The following SMARCC1 variants were observed in gnomAD, a reference collection of about 807,000 sequenced individuals.
SMARCC1 encodes SWI/SNF related BAF chromatin remodeling complex subunit C1.
Under a neutral mutation model 147.4 loss-of-function variants are expected in SMARCC1, and 43 were observed. The observed-to-expected ratio is 0.29, with a 90% CI of 0.23 to 0.38. SMARCC1 has a LOEUF of 0.38. SMARCC1 is among the 10% of genes least tolerant of loss of function. SMARCC1 has a pLI of 1.00. For synonymous variants in SMARCC1, 495 were observed against 484.4 expected, an observed-to-expected ratio of 1.02 and a Z score of -0.29; for missense variants, 1,119 against 1,381.1, an observed-to-expected ratio of 0.81 and a Z score of 3.01.
chr3:47,777,281 C>T (rs2034986613), intron 1 of SMARCC1, among the ~76,000 whole-genome samples: 2 of 151,392 alleles, frequency 1.3e-5, no homozygotes, highest in Admixed American at 1.3e-4. Context: ...CGGGGTTGCA[C>T]CATGTTGGCC....
intron 12 of SMARCC1, among the ~76,000 whole-genome samples, chr3:47,690,537 T>G (rs1371497499): frequency 6.6e-6 from 1 of 152,078 alleles, no homozygotes; most frequent in African/African-American, 2.4e-5. Flanking sequence ...ACTATGAACA[T>G]GAATAAAGGC....
At chr3:47,693,940 G>C (rs1334864069) in intron 11 of SMARCC1, among the ~76,000 whole-genome samples, 1 of 152,194 alleles carries the variant, frequency 6.6e-6, no homozygotes, top group East Asian at 1.9e-4. Flanking sequence ...CGGGATCACA[G>C]ACATGAGCCA....
At chr3:47,704,787 C>T (rs182933763) in intron 10 of SMARCC1, among the ~76,000 whole-genome samples, 2 of 151,842 alleles carry the variant, frequency 1.3e-5, no homozygotes, top group East Asian at 1.9e-4. Flanking sequence ...TGGGGTATTG[C>T]GCACCTGTAG....
Position 47,643,516 on chromosome 3 carries a change from G to A in SMARCC1, c.2321-4736C>T, listed in dbSNP as rs551580748. Among the ~76,000 whole-genome samples, 14 of 151,124 alleles carry A rather than the reference G, an allele frequency of 9.3e-5. No homozygotes were observed. The South Asian group carries it at 2.7e-3, about 29-fold the overall frequency. The stretch of plus-strand genomic sequence containing the variant: ...GAATAAATCTTAAAAACATAATATG[G>A]AGTGAACAAAAAAGAAAAAAAAAAG... On this transcript the variant is annotated intron_variant, in intron 21 of 27. Coordinates refer to ENST00000254480, the MANE Select transcript of SMARCC1 (RefSeq NM_003074.4).
At chr3:47,590,880 G>T in intron 26 of SMARCC1, 43 bp from the exon 27 acceptor site, 2 of 1,534,834 alleles carry the variant, frequency 1.3e-6, no homozygotes, top group East Asian at 2.4e-5. Flanking sequence ...ACTAGAAAGG[G>T]GTGTAAGAAA....
At chr3:47,757,193 G>A (rs1004288264) in intron 2 of SMARCC1, among the ~76,000 whole-genome samples, 3 of 152,066 alleles carry the variant, frequency 2.0e-5, no homozygotes, top group Non-Finnish European at 4.4e-5. Flanking sequence ...TGAGGCCGCA[G>A]TGAGCTATGA....
intron 24 of SMARCC1, among the ~76,000 whole-genome samples, chr3:47,626,496 A>T (rs13087704): frequency 6.6e-6 from 1 of 151,636 alleles, no homozygotes; most frequent in Non-Finnish European, 1.5e-5. Context: ...AGAAAAAAAA[A>T]GGAAAAAGAA....
intron 1 of SMARCC1, among the ~76,000 whole-genome samples, chr3:47,778,643 C>A (rs1211177496): frequency 6.6e-6 from 1 of 152,048 alleles, no homozygotes; most frequent in Non-Finnish European, 1.5e-5. Flanking sequence ...CAAAAAAAGT[C>A]TATTATATTT....
intron 26 of SMARCC1, chr3:47,604,217 G>A (rs1298589659): frequency 2.2e-6 from 1 of 456,756 alleles, no homozygotes; most frequent in Non-Finnish European, 4.4e-6. Flanking sequence ...ACTAACTGAT[G>A]GAGAGTTTTG....
chr3:47,738,992 A>G (rs568320226), intron 3 of SMARCC1, among the ~76,000 whole-genome samples: 2 of 152,212 alleles, frequency 1.3e-5, no homozygotes, highest in African/African-American at 2.4e-5. Context: ...GTCTCTTTAC[A>G]TTAAGTTCCC....
intron 6 of SMARCC1, among the ~76,000 whole-genome samples, chr3:47,728,054 C>T (rs969218974): frequency 2.9e-5 from 4 of 139,880 alleles, no homozygotes; most frequent in Non-Finnish European, 4.6e-5. Context: ...TCACCACACC[C>T]GGATTTAACC....
At chr3:47,619,032 G>A (rs184056200) in intron 25 of SMARCC1, among the ~76,000 whole-genome samples, 3 of 152,220 alleles carry the variant, frequency 2.0e-5, no homozygotes, top group African/African-American at 7.2e-5. Context: ...AAGAAAATCT[G>A]TAAAATGTCA....
chr3:47,746,017 T>C, intron 2 of SMARCC1, 24 bp from the exon 3 acceptor site: 2 of 1,469,914 alleles, frequency 1.4e-6, no homozygotes, highest in African/African-American at 1.4e-5. Flanking sequence ...AAATTACACA[T>C]GAGAAAAATA....
chr3:47,649,899 A>G (rs1048208925), intron 21 of SMARCC1, among the ~76,000 whole-genome samples: 16 of 152,238 alleles, frequency 1.1e-4, no homozygotes, highest in African/African-American at 3.9e-4. Context: ...TAAATAACTG[A>G]TGTAGGAAAA....
chr3:47,725,969 G>A (rs2034293971), intron 6 of SMARCC1, among the ~76,000 whole-genome samples: 2 of 148,498 alleles, frequency 1.3e-5, no homozygotes, highest in African/African-American at 4.9e-5. Context: ...GGCTGAGGCA[G>A]GAGAATCGCT....
At position 47,586,007 on chromosome 3, in the gene SMARCC1, A is replaced by G. The variant is rs2108219758; in HGVS notation, c.*2202T>C. ...CTCATTTTTTCCAAAATAACAACACACTGAGAAACATGTTTGTACAAAAAC... is the reference window on the plus strand; with the variant it reads ...CTCATTTTTTCCAAAATAACAACACGCTGAGAAACATGTTTGTACAAAAAC... On this transcript the variant is annotated 3_prime_UTR_variant, in exon 28 of 28. Transcript: ENST00000254480. 1 of 152,586 alleles carries G rather than the reference A, an allele frequency of 6.6e-6. No homozygotes were observed. Among genetic ancestry groups the G allele is most frequent in the East Asian group, 1.9e-4 (1 of 5,178 alleles). The allele number at this position is 152,586 out of a possible 1,614,324, so 9.5% of individuals were successfully genotyped here.
chr3:47,650,293 A>AT lies in SMARCC1; in HGVS notation c.2320+11000dup, dbSNP rs1412993384. Among the ~76,000 whole-genome samples, 715 of 141,998 alleles carry AT rather than the reference A, an allele frequency of 5.0e-3. 6 individuals are homozygous for AT. The highest frequency in any genetic ancestry group is 6.9e-3 in the Non-Finnish European group (448 of 64,946). 93.2% of individuals were successfully genotyped at this position (141,998 alleles called of 152,430 possible). A position where few individuals can be genotyped will look rare whatever the true frequency, so the allele number is the denominator to read the frequency against. On this transcript the variant is annotated intron_variant, in intron 21 of 27. Coordinates refer to ENST00000254480, the MANE Select transcript of SMARCC1 (RefSeq NM_003074.4). The stretch of plus-strand genomic sequence containing the variant: ...TCTGTTTAAAATAATAATAATAATA[A>AT]TAATAATTATTATTATTATTATTAT...
At chr3:47,598,467 G>T (rs979768450) in intron 26 of SMARCC1, among the ~76,000 whole-genome samples, 1 of 151,988 alleles carries the variant, frequency 6.6e-6, no homozygotes, top group Non-Finnish European at 1.5e-5. Flanking sequence ...ACATATTGCC[G>T]CCCTTCACAG....
chr3:47,601,465 G>A (rs2032384985), intron 26 of SMARCC1, among the ~76,000 whole-genome samples: 1 of 152,142 alleles, frequency 6.6e-6, no homozygotes, highest in Non-Finnish European at 1.5e-5. Context: ...TCAGGGCCAA[G>A]TGAGGGGAAG....
Sources: gnomAD v4.1 joint callset for allele counts (sites outside exome capture counted in the v4.1 genomes callset) on GRCh38, gnomAD v4.1.1 for gene constraint, MANE v1.5 for transcripts, NCBI Gene and HGNC (gene_info 2026-07-23, HGNC 2026-07-21) for gene names.